SMYD2: variants seen among roughly 807,000 people sequenced by gnomAD.
SMYD2 encodes the protein N-lysine methyltransferase SMYD2.
In SMYD2, 53 loss-of-function variants were observed where a neutral mutation model predicts 59.1. That is an observed-to-expected ratio of 0.90 (90% CI 0.72 to 1.13). The LOEUF is 1.13. Among genes scored for constraint, SMYD2 ranks in the 50% most tolerant of loss-of-function variants. The probability of loss-of-function intolerance (pLI) is 0.00; values close to 1 mark genes in which losing one functional copy is unlikely to be tolerated. For missense variants in SMYD2, 494 were observed against 544.7 expected, an observed-to-expected ratio of 0.91 and a Z score of 0.93; for synonymous variants, 208 against 198.8, an observed-to-expected ratio of 1.05 and a Z score of -0.39.
rs1159706504 is a variant in SMYD2, at chr1:214,303,782, C to T, written c.174-1405C>T. ...TATATCCGTATTATAAGATGTCAGC[C>T]CCCACCGCGCACGCCCCCGCCCCCG... is the stretch of plus-strand genomic sequence containing the variant. On this transcript the variant is annotated intron_variant, in intron 1 of 11. Transcript: ENST00000366957. Among the ~76,000 whole-genome samples, 5 of 152,142 alleles carry T rather than the reference C, an allele frequency of 3.3e-5. No homozygotes were observed. In the East Asian group the frequency reaches 5.8e-4, roughly 18 times the overall value.
At chr1:214,304,608 C>T (rs1377320097) in intron 1 of SMYD2, among the ~76,000 whole-genome samples, 1 of 143,468 alleles carries the variant, frequency 7.0e-6, no homozygotes, top group East Asian at 2.2e-4. Flanking sequence ...TGCTAGGTTG[C>T]ACTTTTAAAC....
intron 1 of SMYD2, among the ~76,000 whole-genome samples, chr1:214,285,755 C>CA (rs1344644965): frequency 6.6e-6 from 1 of 152,162 alleles, no homozygotes; most frequent in Non-Finnish European, 1.5e-5. Context: ...CTTAGTAAAG[C>CA]AGTTTGGTCC....
At chr1:214,306,080 A>T (rs1656911014) in intron 2 of SMYD2, among the ~76,000 whole-genome samples, 1 of 152,120 alleles carries the variant, frequency 6.6e-6, no homozygotes, top group South Asian at 2.1e-4. Context: ...ACCCCGTGGC[A>T]TTTATTTTTA....
intron 1 of SMYD2, among the ~76,000 whole-genome samples, chr1:214,304,151 T>C (rs1017324321): frequency 6.6e-6 from 1 of 152,120 alleles, no homozygotes; most frequent in African/African-American, 2.4e-5. Flanking sequence ...AAAAATAATA[T>C]AACAATGAAT....
chr1:214,324,058 G>A (rs1657215995), intron 5 of SMYD2, among the ~76,000 whole-genome samples: 1 of 152,210 alleles, frequency 6.6e-6, no homozygotes, highest in South Asian at 2.1e-4. Context: ...CTCCCAAGTA[G>A]CTGGGATTAC....
At chr1:214,334,013 C>T in intron 10 of SMYD2, 187 bp from the exon 11 acceptor site, 1 of 519,494 alleles carries the variant, frequency 1.9e-6, no homozygotes. Flanking sequence ...TAATGAACAA[C>T]ATCTGCAATG....
chr1:214,328,550 AC>A (rs1657298550), intron 7 of SMYD2, among the ~76,000 whole-genome samples: 1 of 152,206 alleles, frequency 6.6e-6, no homozygotes, highest in Non-Finnish European at 1.5e-5. Flanking sequence ...TCCCAGCAAG[AC>A]ACATGAGTTT....
At position 214,330,272 on chromosome 1, in the gene SMYD2, G is replaced by A. The variant is rs1657330651; in HGVS notation, c.810G>A (p.Lys270=). The A allele has an allele frequency of 2.5e-6, 4 of 1,608,518 alleles. No individual in the cohort carries two copies. Among genetic ancestry groups the A allele is most frequent in the Admixed American group, 3.3e-5 (2 of 59,804 alleles). Residue 270 remains lysine (K), a synonymous_variant, in exon 8 of 12, where the codon AAG becomes AAA. Transcript: ENST00000366957. ...GTGAGTGCCAGGAGTGTACCACCAA[G>A]GACAAGGTAAGGTTGTTCATTGGGC... ...FTCECQECTT[K]DKDKAKVEIR...
At chr1:214,332,493 G>A (rs1162050813) in intron 10 of SMYD2, 2 of 228,404 alleles carry the variant, frequency 8.8e-6, no homozygotes, top group African/African-American at 4.5e-5. Context: ...CCACTAGTTT[G>A]CTTCTTTTCC....
intron 1 of SMYD2, among the ~76,000 whole-genome samples, chr1:214,285,614 A>G (rs1341166930): frequency 2.0e-5 from 3 of 152,248 alleles, no homozygotes. Flanking sequence ...GTGCCATTAA[A>G]GAATGCAAAA....
rs1381115818 is a variant in SMYD2, at chr1:214,318,104, C to T, written c.374C>T (p.Ser125Leu). The T allele has an allele frequency of 4.3e-6, 7 of 1,613,808 alleles. No homozygotes were observed. The highest frequency in any genetic ancestry group is 5.1e-6 in the Non-Finnish European group (6 of 1,180,002). Residue 125 changes from serine to leucine, a missense_variant, in exon 4 of 12, where the codon TCG becomes TTG. Transcript: ENST00000366957. This position sits in a 1 kb window ranked among gnomAD's most constrained non-coding sequence, Gnocchi z 5.4. ...KQKIHPERTP[S>L]EKLLAVKEFE... ...AAAATCCACCCAGAGAGAACACCTT[C>T]GGAAAAATTGTTAGCTGTGAAGGAG...
chr1:214,309,847 T>C (rs918243201), intron 2 of SMYD2, among the ~76,000 whole-genome samples: 1 of 152,202 alleles, frequency 6.6e-6, no homozygotes, highest in Non-Finnish European at 1.5e-5. Context: ...ACAAAGCATA[T>C]GTCCTAGTGA....
Position 214,303,487 on chromosome 1 carries a change from A to G in SMYD2, c.174-1700A>G, listed in dbSNP as rs571586277. 9.2e-4 allele frequency among the ~76,000 whole-genome samples: 140 copies of G among 152,304 alleles called. 5 individuals are homozygous for G. The South Asian group carries it at 0.028, about 30-fold the overall frequency. On this transcript the variant is annotated intron_variant, in intron 1 of 11. Transcript: ENST00000366957. ...TAGGGGGAGTATTTTAGGCCAGAGA[A>G]TACATCAGCTAAATTAGCGGGTTCC...
At chr1:214,319,854 G>A (rs899162403) in intron 5 of SMYD2, among the ~76,000 whole-genome samples, 17 of 152,338 alleles carry the variant, frequency 1.1e-4, no homozygotes, top group African/African-American at 3.6e-4. Context: ...ATCAGTCTCC[G>A]GATGTGTAAA....
At chr1:214,330,077 TG>T in intron 7 of SMYD2, 90 bp from the exon 8 acceptor site, 1 of 763,338 alleles carries the variant, frequency 1.3e-6, no homozygotes, top group Non-Finnish European at 2.1e-6. Context: ...ATCCTCTGCA[TG>T]GGCCCTGCAG....
At chr1:214,332,260 G>A (rs1368841853) in intron 10 of SMYD2, 68 bp downstream of exon 10, 3 of 1,542,930 alleles carry the variant, frequency 1.9e-6, no homozygotes, top group Non-Finnish European at 2.6e-6. Flanking sequence ...ATACGATAGT[G>A]TCATCTTCCT....
chr1:214,305,133 A>T, intron 1 of SMYD2, 54 bp from the exon 2 acceptor site: 1 of 1,545,688 alleles, frequency 6.5e-7, no homozygotes, highest in Non-Finnish European at 8.9e-7. Context: ...GATAAAATGT[A>T]CAGCTTCACG....
intron 1 of SMYD2, among the ~76,000 whole-genome samples, chr1:214,299,413 GAC>G (rs1656784262): frequency 6.7e-6 from 1 of 150,338 alleles, no homozygotes; most frequent in South Asian, 2.1e-4. Context: ...CACTAGCAAA[GAC>G]ACAGAATCAA....
intron 1 of SMYD2, 73 bp from the exon 2 acceptor site, chr1:214,305,114 T>G: frequency 1.4e-6 from 2 of 1,430,466 alleles, no homozygotes; most frequent in Non-Finnish European, 2.0e-6. Flanking sequence ...GTGGCTTTTG[T>G]TGTTGCATGA....
Sources: gnomAD v4.1 joint callset for allele counts (sites outside exome capture counted in the v4.1 genomes callset) on GRCh38, gnomAD v4.1.1 for gene constraint, Gnocchi (gnomAD v3.1) non-coding constraint, MANE v1.5 for transcripts, NCBI Gene and HGNC (gene_info 2026-07-23, HGNC 2026-07-21) for gene names.